TOX2: variants seen among roughly 807,000 people sequenced by gnomAD.
TOX2 encodes the protein TOX high mobility group box family member 2.
A neutral mutation model predicts 47.4 loss-of-function variants in TOX2; 15 were observed. The observed-to-expected ratio is 0.32, with a 90% CI of 0.21 to 0.49. The LOEUF (loss-of-function observed/expected upper bound fraction) is 0.49, where lower values mean the gene tolerates loss of function less well. TOX2 is among the 20% of genes least tolerant of loss of function. The pLI, the probability that TOX2 is intolerant of heterozygous loss-of-function variation, is 0.99. For synonymous variants in TOX2, 290 were observed against 296.6 expected, an observed-to-expected ratio of 0.98 and a Z score of 0.23; for missense variants, 622 against 673.1, an observed-to-expected ratio of 0.92 and a Z score of 0.84.
chr20:44,027,047 C>T (rs1360107929), intron 3 of TOX2, among the ~76,000 whole-genome samples: 5 of 152,206 alleles, frequency 3.3e-5, no homozygotes, highest in Non-Finnish European at 5.9e-5. Context: ...GGCAGTAAAA[C>T]ACGGCAGTGT....
At chr20:44,014,056 G>A (rs8118178) in intron 3 of TOX2, among the ~76,000 whole-genome samples, 1,777 of 147,752 alleles carry the variant, frequency 0.012, 34 homozygotes, top group African/African-American at 0.042. Context: ...CTTGGACCCG[G>A]GAAGCCAAGG....
At chr20:44,051,611 G>A in intron 4 of TOX2, 66 bp downstream of exon 4, 2 of 1,515,470 alleles carry the variant, frequency 1.3e-6, no homozygotes, top group Admixed American at 4.2e-5. Flanking sequence ...GTCCTGTGGG[G>A]AAATGGGCAT....
chr20:43,918,445 G>A (rs761774410), intron 1 of TOX2, among the ~76,000 whole-genome samples: 3 of 152,186 alleles, frequency 2.0e-5, no homozygotes, highest in Non-Finnish European at 4.4e-5. Flanking sequence ...ATCCCAGGAA[G>A]TTCCCTCACA....
At chr20:44,059,983 A>G (rs1325565272) in intron 5 of TOX2, among the ~76,000 whole-genome samples, 2 of 152,200 alleles carry the variant, frequency 1.3e-5, no homozygotes, top group Non-Finnish European at 2.9e-5. Flanking sequence ...ATAATTGACC[A>G]ACTGAGTATC....
At chr20:44,045,091 G>A (rs1458573164) in intron 3 of TOX2, among the ~76,000 whole-genome samples, 2 of 152,196 alleles carry the variant, frequency 1.3e-5, no homozygotes, top group Admixed American at 6.5e-5. Flanking sequence ...TAGAAGAGTG[G>A]TTTCCAGGGC....
chr20:43,962,301 C>T (rs112799516), intron 1 of TOX2, among the ~76,000 whole-genome samples: 5,319 of 152,284 alleles, frequency 0.035, 304 homozygotes, highest in African/African-American at 0.12. Flanking sequence ...GGTGAGTGTA[C>T]TGGGATGGGA....
intron 1 of TOX2, among the ~76,000 whole-genome samples, chr20:43,932,942 G>C (rs564090832): frequency 6.6e-6 from 1 of 152,270 alleles, no homozygotes; most frequent in South Asian, 2.1e-4. Flanking sequence ...ACATTTCCTG[G>C]CTGTCTGGTG....
intron 3 of TOX2, among the ~76,000 whole-genome samples, chr20:44,016,389 G>C (rs537422529): frequency 6.6e-6 from 1 of 152,210 alleles, no homozygotes; most frequent in Admixed American, 6.5e-5. Context: ...CTCCCAAAGT[G>C]CCAGGATTAC....
chr20:43,952,285 G>A (rs1418605755), intron 1 of TOX2, among the ~76,000 whole-genome samples: 3 of 151,838 alleles, frequency 2.0e-5, no homozygotes, highest in African/African-American at 7.3e-5. Context: ...CTATCTTCTC[G>A]CCCTGGCCCC....
chr20:43,954,394 C>T (rs1365090264), intron 1 of TOX2, among the ~76,000 whole-genome samples: 1 of 152,202 alleles, frequency 6.6e-6, no homozygotes, highest in Non-Finnish European at 1.5e-5. Flanking sequence ...GTGTGACCAC[C>T]TTTGTGTGTT....
At chr20:43,945,768 A>G (rs957080720) in intron 1 of TOX2, 1 of 1,201,398 alleles carries the variant, frequency 8.3e-7, no homozygotes, top group African/African-American at 1.5e-5. Context: ...AAAAGAGGTT[A>G]AATAACAGGT....
At position 44,006,687 on chromosome 20, in the gene TOX2, C is replaced by G. The variant is rs147196677; in HGVS notation, c.306C>G (p.Asn102Lys). 6.3e-5 allele frequency: 102 copies of G among 1,614,142 alleles called. No homozygotes were observed. The highest frequency in any genetic ancestry group is 8.0e-5 in the Non-Finnish European group (94 of 1,180,038). ...CGCTGTGCCACGGCCTCACCCCCAACGGTCTGCTCCCTGCCTACTCCTATC... is the reference window on the plus strand; with the variant it reads ...CGCTGTGCCACGGCCTCACCCCCAAGGGTCTGCTCCCTGCCTACTCCTATC... ...YHSLCHGLTP[N>K]GLLPAYSYQA... is the part of the protein sequence containing the mutation. Residue 102 changes from asparagine (N) to lysine (K), a missense_variant, in exon 3 of 9, where the codon AAC (asparagine) becomes AAG (lysine). Coordinates refer to ENST00000341197, the MANE Select transcript of TOX2 (RefSeq NM_001098797.2).
intron 1 of TOX2, among the ~76,000 whole-genome samples, chr20:43,970,037 A>G (rs764653213): frequency 5.3e-5 from 8 of 152,036 alleles, no homozygotes; most frequent in Non-Finnish European, 8.8e-5. Context: ...TGAACCTCTA[A>G]CACACTTATC....
chr20:43,931,240 G>A (rs961821564), intron 1 of TOX2, among the ~76,000 whole-genome samples: 4 of 152,170 alleles, frequency 2.6e-5, no homozygotes, highest in Admixed American at 6.5e-5. Flanking sequence ...CTGGGCTCAA[G>A]CGATCCTCCT....
At chr20:43,941,293 G>T (rs990874724) in intron 1 of TOX2, among the ~76,000 whole-genome samples, 1 of 151,584 alleles carries the variant, frequency 6.6e-6, no homozygotes, top group African/African-American at 2.4e-5. Flanking sequence ...GGTGCAGGGT[G>T]GCCATTTGGA....
chr20:44,016,108 GTT>G (rs1460608094), intron 3 of TOX2, among the ~76,000 whole-genome samples: 1 of 151,958 alleles, frequency 6.6e-6, no homozygotes, highest in Non-Finnish European at 1.5e-5. Flanking sequence ...TTGCTCTGCA[GTT>G]TGGGATGCGT....
In TOX2 at chr20:44,012,443, G is replaced by A. The variant is rs532168897; in HGVS notation, c.411+5651G>A. 9.2e-5 allele frequency among the ~76,000 whole-genome samples: 14 copies of A among 152,298 alleles called. No individual in the cohort carries two copies. The South Asian group carries it at 1.0e-3, about 11-fold the overall frequency. On this transcript the variant is annotated intron_variant, in intron 3 of 8. Transcript: ENST00000341197. ...AAATGAATTCTGGCAAAGCTCCCCC[G>A]ACAGTAGCTATAGATTCTGCTGATC...
At chr20:44,026,248 T>TATACAC (rs750976068) in intron 3 of TOX2, among the ~76,000 whole-genome samples, 740 of 67,746 alleles carry the variant, frequency 0.011, 82 homozygotes, top group Middle Eastern at 0.085. Flanking sequence ...TATATATATA[T>TATACAC]AGACACACAC....
intron 2 of TOX2, among the ~76,000 whole-genome samples, chr20:44,001,684 GCCAGCACC>G: frequency 6.4e-5 from 1 of 15,638 alleles, no homozygotes; most frequent in South Asian, 2.5e-3. Context: ...CCTTCTCTGT[GCCAGCACC>G]TGCTCTGTGC....
Sources: gnomAD v4.1 joint callset for allele counts (sites outside exome capture counted in the v4.1 genomes callset) on GRCh38, gnomAD v4.1.1 for gene constraint, MANE v1.5 for transcripts, NCBI Gene and HGNC (gene_info 2026-07-23, HGNC 2026-07-21) for gene names.